TG: variants seen among roughly 807,000 people sequenced by gnomAD.
TG encodes thyroid hormones.
TG carries 270 observed loss-of-function variants against 324.7 expected under a neutral mutation model. The ratio of observed to expected loss-of-function variants is 0.83; its 90% confidence interval spans 0.75 to 0.92. The LOEUF (loss-of-function observed/expected upper bound fraction) is 0.92, where lower values mean the gene tolerates loss of function less well. TG is among the 40% of genes least tolerant of loss of function. TG has a pLI of 0.00. For synonymous variants in TG, 1,401 were observed against 1,327.0 expected, an observed-to-expected ratio of 1.06 and a Z score of -1.21; for missense variants, 3,591 against 3,456.4, an observed-to-expected ratio of 1.04 and a Z score of -0.98.
At chr8:132,967,999 T>C in intron 31 of TG, 29 bp downstream of exon 31, 2 of 1,610,592 alleles carry the variant, frequency 1.2e-6, no homozygotes, top group Non-Finnish European at 1.7e-6. Flanking sequence ...CTGCATAAAC[T>C]GTATTTCCAA....
At chr8:133,006,833 T>G (rs923452025) in intron 35 of TG, among the ~76,000 whole-genome samples, 2 of 152,242 alleles carry the variant, frequency 1.3e-5, no homozygotes, top group African/African-American at 4.8e-5. Flanking sequence ...ATTTTTTAGT[T>G]ATAGGTTTTT....
chr8:132,900,323 G>C lies in TG; in HGVS notation c.3417G>C (p.Ser1139=), dbSNP rs115789271. ...CAGGAGAAGAGTTGCGGCCTGGCTC[G>C]AGCAGCAGTGCCCAGTGTGAGTAGC... is the stretch of plus-strand genomic sequence containing the variant. ...PASGEELRPG[S]SSSAQCPSLC... is the part of the protein sequence containing the mutation. Residue 1139 remains serine, a synonymous_variant, in exon 15 of 48, where the codon TCG becomes TCC. Transcript: ENST00000220616. 163 of 1,612,726 alleles carry C rather than the reference G, an allele frequency of 1.0e-4. No individual in the cohort carries two copies. Among genetic ancestry groups the C allele is most frequent in the Non-Finnish European group, 1.3e-4 (155 of 1,179,650 alleles).
chr8:133,119,046 G>A (rs1248716346), intron 45 of TG, among the ~76,000 whole-genome samples: 4 of 152,200 alleles, frequency 2.6e-5, no homozygotes, highest in African/African-American at 9.7e-5. Flanking sequence ...AACTGGGAGA[G>A]CACGGGGAGG....
At chr8:133,019,475 G>T in intron 38 of TG, 127 bp from the exon 39 acceptor site, 1 of 742,388 alleles carries the variant, frequency 1.3e-6, no homozygotes, top group Non-Finnish European at 2.4e-6. Context: ...TCCTGAAGCT[G>T]CCTAATTTCT....
chr8:133,012,960 AC>A (rs1198484199), intron 36 of TG, among the ~76,000 whole-genome samples: 1 of 152,216 alleles, frequency 6.6e-6, no homozygotes, highest in East Asian at 1.9e-4. Flanking sequence ...CTGGTGGAAC[AC>A]TGGGTATGGT....
intron 35 of TG, among the ~76,000 whole-genome samples, chr8:132,992,028 A>T (rs1832405918): frequency 6.6e-6 from 1 of 152,078 alleles, no homozygotes. Context: ...TGCAGGAGGG[A>T]GCCACTAGCC....
At chr8:133,056,255 T>C (rs1841429106) in intron 41 of TG, among the ~76,000 whole-genome samples, 1 of 152,226 alleles carries the variant, frequency 6.6e-6, no homozygotes. Flanking sequence ...ATGATGTTCA[T>C]CAATGTACAA....
Position 132,881,887 on chromosome 8 carries a change from C to T in TG, c.663C>T (p.Phe221=), listed in dbSNP as rs1814693526. 5.0e-6 allele frequency: 8 copies of T among 1,613,966 alleles called. No homozygotes were observed. The highest frequency in any genetic ancestry group is 6.8e-6 in the Non-Finnish European group (8 of 1,179,792). The change falls in exon 6 of 48, where the codon TTC becomes TTT. Residue 221 remains phenylalanine (F), a synonymous_variant. Coordinates refer to ENST00000220616, the MANE Select transcript of TG (RefSeq NM_003235.5). Reference sequence around the variant, plus strand: ...GGTTTCCAGATGCATTTGTGACCTTCAGTTCCTTCCAGAGGAGGTTCCCTG... The same window carrying T: ...GGTTTCCAGATGCATTTGTGACCTTTAGTTCCTTCCAGAGGAGGTTCCCTG... ...YNRFPDAFVT[F]SSFQRRFPEV... is the part of the protein sequence containing the mutation.
intron 1 of TG, among the ~76,000 whole-genome samples, chr8:132,867,887 C>T (rs1839113629): frequency 6.6e-6 from 1 of 152,092 alleles, no homozygotes; most frequent in African/African-American, 2.4e-5. Flanking sequence ...GACTTGGTGC[C>T]TCATGAGTGA....
At chr8:133,060,345 G>C in intron 41 of TG, 1 of 1,545,898 alleles carries the variant, frequency 6.5e-7, no homozygotes, top group South Asian at 1.2e-5. Context: ...AGATGAGATT[G>C]GTGAAGATTG....
intron 2 of TG, among the ~76,000 whole-genome samples, chr8:132,869,346 A>AT (rs1380884300): frequency 6.6e-6 from 1 of 151,742 alleles, no homozygotes; most frequent in Non-Finnish European, 1.5e-5. Flanking sequence ...TCCCACTAAC[A>AT]TCCCACCCCC....
chr8:133,011,500 G>T (rs1490662182), intron 35 of TG, among the ~76,000 whole-genome samples: 1 of 152,146 alleles, frequency 6.6e-6, no homozygotes, highest in African/African-American at 2.4e-5. Context: ...AAAGACCTGA[G>T]CATAGTACCA....
chr8:133,024,297 C>T (rs1835816891), intron 40 of TG, among the ~76,000 whole-genome samples: 2 of 150,478 alleles, frequency 1.3e-5, no homozygotes, highest in African/African-American at 2.5e-5. Context: ...ATTCATTAGC[C>T]ACAGGCCATT....
chr8:132,986,394 GTATATATATGTATGTGTA>G (rs1463905559), intron 35 of TG, among the ~76,000 whole-genome samples: 1 of 108,534 alleles, frequency 9.2e-6, no homozygotes, highest in South Asian at 2.5e-4. Context: ...GTATATATGT[GTATATATATGTATGTGTA>G]TATATATATG....
intron 35 of TG, among the ~76,000 whole-genome samples, chr8:132,999,964 C>T (rs895156841): frequency 6.6e-6 from 1 of 152,130 alleles, no homozygotes; most frequent in Non-Finnish European, 1.5e-5. Context: ...GCATTTCTTT[C>T]CAGGAAGATG....
intron 26 of TG, among the ~76,000 whole-genome samples, chr8:132,946,482 G>T (rs1265432668): frequency 6.6e-6 from 1 of 152,134 alleles, no homozygotes; most frequent in African/African-American, 2.4e-5. Flanking sequence ...GGGCAAATCT[G>T]GAGTTTTAAC....
intron 8 of TG, 30 bp downstream of exon 8, chr8:132,883,029 G>T (rs749307754): frequency 6.2e-7 from 1 of 1,607,874 alleles, no homozygotes; most frequent in Non-Finnish European, 8.5e-7. Context: ...TTCCTCTTTC[G>T]GCCTCGGATC....
chr8:132,973,224 G>A (rs1829766689), intron 34 of TG, among the ~76,000 whole-genome samples: 1 of 152,194 alleles, frequency 6.6e-6, no homozygotes. Context: ...TGCTGGACAG[G>A]CAAAATCAAT....
At chr8:133,060,661 A>G (rs751836744) in intron 41 of TG, among the ~76,000 whole-genome samples, 15 of 152,306 alleles carry the variant, frequency 9.8e-5, no homozygotes, top group Non-Finnish European at 8.8e-5. Context: ...ACTTTTTGTC[A>G]TCCTTTTGAG....
Sources: gnomAD v4.1 joint callset for allele counts (sites outside exome capture counted in the v4.1 genomes callset) on GRCh38, gnomAD v4.1.1 for gene constraint, MANE v1.5 for transcripts, NCBI Gene and HGNC (gene_info 2026-07-23, HGNC 2026-07-21) for gene names.